The following CD96 variants were observed in gnomAD, a reference collection of about 807,000 sequenced individuals.
CD96 encodes T-cell surface protein tactile.
CD96 carries 70 observed loss-of-function variants against 71.3 expected under a neutral mutation model. The ratio of observed to expected loss-of-function variants is 0.98; its 90% CI spans 0.81 to 1.20. The LOEUF (loss-of-function observed/expected upper bound fraction) is 1.20. CD96 is among the 50% of genes most tolerant of loss of function. The pLI, the probability that CD96 is intolerant of heterozygous loss-of-function variation, is 0.00. For missense variants in CD96, 742 were observed against 677.5 expected (o/e 1.10, Z -1.06); for synonymous variants, 248 against 233.0 (o/e 1.06, Z -0.59).
At chr3:111,660,873 A>G (rs1400504951) in intron 14 of CD96, among the ~76,000 whole-genome samples, 2 of 152,218 alleles carry the variant, frequency 1.3e-5, no homozygotes, top group African/African-American at 2.4e-5. Context: ...TTAACTCAAA[A>G]TGGATCAAAT....
intron 5 of CD96, among the ~76,000 whole-genome samples, chr3:111,590,133 A>G (rs1936910898): frequency 6.6e-6 from 1 of 152,222 alleles, no homozygotes; most frequent in Non-Finnish European, 1.5e-5. Context: ...CCCAGAATAC[A>G]GACTGTGGGA....
rs1479493127 is a variant in CD96 at position 111,577,449 on chromosome 3, C to T, written c.544-1578C>T. On this transcript the variant is annotated intron_variant, in intron 3 of 13. Coordinates refer to ENST00000352690, the MANE Select transcript of CD96 (RefSeq NM_005816.5). ...AATACTTAGAGCTCCTCTGGGGGAT[C>T]CTATCTCTGTAATACAGTCTTTCTC... 4.0e-6 allele frequency: 5 copies of T among 1,257,474 alleles called. No homozygotes were observed. The African/African-American group carries it at 4.4e-5, about 11-fold the overall frequency. The allele number at this position is 1,257,474 out of a possible 1,614,324, so 77.9% of individuals were successfully genotyped here.
chr3:111,575,217 T>C (rs931913845), intron 3 of CD96, among the ~76,000 whole-genome samples: 3 of 152,150 alleles, frequency 2.0e-5, no homozygotes, highest in Admixed American at 1.3e-4. Context: ...AAGACCTGGA[T>C]CTCCACTACT....
chr3:111,566,959 C>T (rs908011619), intron 2 of CD96, among the ~76,000 whole-genome samples: 16 of 152,056 alleles, frequency 1.1e-4, no homozygotes, highest in African/African-American at 3.4e-4. Context: ...AGAGTAAACC[C>T]TAATGTAAAC....
At position 111,579,163 on chromosome 3, in the gene CD96, G is replaced by T; in HGVS notation, c.680G>T (p.Arg227Leu). The T allele has an allele frequency of 6.2e-7, 1 of 1,609,402 alleles. No homozygotes were observed. The highest frequency in any genetic ancestry group is 8.5e-7 in the Non-Finnish European group (1 of 1,175,630). ...LSPVQIFDDG[R>L]KFSCHIRVGP... is the part of the protein sequence containing the mutation. ...CCAGTCCAAATCTTCGATGATGGGC[G>T]GAAGTTCTCTTGCCACATTAGAGTC... Residue 227 changes from arginine (R) to leucine (L), a missense_variant, in exon 4 of 14, where the codon CGG becomes CTG. By Grantham distance (102) the Arg-to-Leu change is moderately radical (BLOSUM62 -2). Coordinates refer to ENST00000352690, the MANE Select transcript of CD96 (RefSeq NM_005816.5).
intron 14 of CD96, among the ~76,000 whole-genome samples, chr3:111,660,652 T>C (rs138468547): frequency 3.3e-4 from 50 of 152,332 alleles, no homozygotes; most frequent in African/African-American, 1.0e-3. Context: ...AGCAGCTTGG[T>C]TCTGGTACAA....
intron 1 of CD96, among the ~76,000 whole-genome samples, chr3:111,544,243 C>T (rs1046667154): frequency 2.0e-5 from 3 of 152,138 alleles, no homozygotes; most frequent in African/African-American, 7.2e-5. Context: ...CTCCCAGGTT[C>T]AAGCGATTCT....
At chr3:111,642,616 G>A (rs1324290638) in intron 12 of CD96, among the ~76,000 whole-genome samples, 1 of 152,038 alleles carries the variant, frequency 6.6e-6, no homozygotes, top group African/African-American at 2.4e-5. Flanking sequence ...CGACCCGCCT[G>A]GCCAAGACAG....
intron 6 of CD96, 44 bp from the exon 7 acceptor site, chr3:111,600,682 A>T: frequency 2.2e-6 from 3 of 1,382,888 alleles, no homozygotes; most frequent in Non-Finnish European, 3.1e-6. Context: ...TATGGCTCAT[A>T]CATAAAATGT....
intron 5 of CD96, 67 bp from the exon 6 acceptor site, chr3:111,598,053 A>T (rs1937336649): frequency 3.8e-6 from 3 of 780,898 alleles, no homozygotes; most frequent in African/African-American, 3.4e-5. Flanking sequence ...TATGAATGTT[A>T]GTAAGTTGTA....
chr3:111,573,234 T>G (rs1163253540), intron 3 of CD96, among the ~76,000 whole-genome samples: 1 of 152,216 alleles, frequency 6.6e-6, no homozygotes, highest in East Asian at 1.9e-4. Flanking sequence ...TCTAATATTC[T>G]GTTTTCATAG....
intron 2 of CD96, among the ~76,000 whole-genome samples, chr3:111,552,118 T>A (rs574886887): frequency 6.6e-6 from 1 of 152,204 alleles, no homozygotes; most frequent in African/African-American, 2.4e-5. Context: ...TCTATTCATG[T>A]CCTGTGCCCA....
intron 8 of CD96, among the ~76,000 whole-genome samples, chr3:111,617,263 T>G (rs544102079): frequency 9.2e-5 from 14 of 151,642 alleles, no homozygotes; most frequent in Non-Finnish European, 4.4e-5. Context: ...AGGTCCCCAG[T>G]GAAACCCCAC....
intron 5 of CD96, among the ~76,000 whole-genome samples, chr3:111,589,313 G>A (rs1276629800): frequency 6.6e-6 from 1 of 152,032 alleles, no homozygotes; most frequent in Non-Finnish European, 1.5e-5. Context: ...GGTAATATGG[G>A]CTCAATCCAG....
chr3:111,656,234 T>C (rs1435836824), downstream of CD96, among the ~76,000 whole-genome samples: 5 of 152,106 alleles, frequency 3.3e-5, no homozygotes, highest in African/African-American at 1.2e-4. Context: ...AAAATTAAAA[T>C]GACTCTTAAT....
At chr3:111,638,205 T>A (rs1197335826) in intron 12 of CD96, 37 bp downstream of exon 12, 1 of 1,202,698 alleles carries the variant, frequency 8.3e-7, no homozygotes, top group South Asian at 1.2e-5. Context: ...ATTTTATGCT[T>A]TATTCACTCA....
intron 2 of CD96, among the ~76,000 whole-genome samples, chr3:111,556,012 T>C (rs1052664930): frequency 2.6e-5 from 4 of 152,306 alleles, no homozygotes; most frequent in Admixed American, 6.5e-5. Context: ...TCAAATACAC[T>C]GATTCTTTCT....
chr3:111,546,819 C>A (rs1270278573), intron 2 of CD96, among the ~76,000 whole-genome samples: 2 of 151,846 alleles, frequency 1.3e-5, no homozygotes, highest in Admixed American at 6.6e-5. Flanking sequence ...GAACAGTCCA[C>A]CTATAGGCCA....
intron 5 of CD96, among the ~76,000 whole-genome samples, chr3:111,595,978 A>G (rs1937237457): frequency 6.6e-6 from 1 of 151,928 alleles, no homozygotes; most frequent in South Asian, 2.1e-4. Flanking sequence ...CTTGGCCAAC[A>G]TTGTGAAACC....
Sources: gnomAD v4.1 joint callset for allele counts (sites outside exome capture counted in the v4.1 genomes callset) on GRCh38, gnomAD v4.1.1 for gene constraint, MANE v1.5 for transcripts, NCBI Gene and HGNC (gene_info 2026-07-23, HGNC 2026-07-21) for gene names.